The following RXFP2 variants were observed in gnomAD, a reference collection of about 807,000 sequenced individuals.
The protein encoded by RXFP2 is relaxin receptor 2.
In RXFP2, 68 loss-of-function variants were observed where a neutral mutation model predicts 88.6. The ratio of observed to expected loss-of-function variants is 0.77; its 90% CI spans 0.63 to 0.94. The LOEUF (loss-of-function observed/expected upper bound fraction) is 0.94, where lower values mean the gene tolerates loss of function less well. RXFP2 is among the 40% of genes least tolerant of loss of function. The pLI is 0.00. For synonymous variants in RXFP2, 329 were observed against 306.8 expected (o/e 1.07, Z -0.76); for missense variants, 791 against 893.9 (o/e 0.88, Z 1.47).
rs540719503 is a variant in RXFP2 at position 31,756,959 on chromosome 13, T to C, written c.95-1299T>C. On this transcript the variant is annotated intron_variant, in intron 1 of 17. Transcript: ENST00000298386. ...AAAAACATGACTTCTGTAATTTTAT[T>C]AGCCAACTTAAAACATGTCTCTTTA... Among the ~76,000 whole-genome samples the C allele has an allele frequency of 7.2e-5, 11 of 152,302 alleles. No individual in the cohort carries two copies. The South Asian group carries it at 2.3e-3, about 32-fold the overall frequency.
At chr13:31,742,839 A>G (rs1313257407) in intron 1 of RXFP2, among the ~76,000 whole-genome samples, 1 of 152,180 alleles carries the variant, frequency 6.6e-6, no homozygotes, top group Admixed American at 6.5e-5. Flanking sequence ...TGCAACAAAA[A>G]ATGCAACTAA....
intron 1 of RXFP2, among the ~76,000 whole-genome samples, chr13:31,751,309 TTA>T (rs112982983): frequency 1.3e-5 from 2 of 151,354 alleles, no homozygotes; most frequent in Non-Finnish European, 2.9e-5. Context: ...TACATATATA[TTA>T]TATATATATA....
chr13:31,759,570 G>A (rs1420362326), intron 2 of RXFP2, among the ~76,000 whole-genome samples: 1 of 151,924 alleles, frequency 6.6e-6, no homozygotes, highest in Admixed American at 6.6e-5. Flanking sequence ...GTGAACAGGG[G>A]TATACACATG....
chr13:31,792,679 T>G lies in RXFP2; in HGVS notation c.1377T>G (p.Cys459Trp), dbSNP rs1370845539. 1.2e-6 allele frequency: 2 copies of G among 1,614,032 alleles called. No homozygotes were observed. The highest frequency in any genetic ancestry group is 1.7e-6 in the Non-Finnish European group (2 of 1,179,934). The change falls in exon 16 of 18, where the codon TGT becomes TGG. Residue 459 changes from cysteine (C) to tryptophan (W), a missense_variant and splice_region_variant. Physicochemically the swap from Cys to Trp is radical, Grantham distance 215. Coordinates refer to ENST00000298386, the MANE Select transcript of RXFP2 (RefSeq NM_130806.5). ...THAMSIKILC[C>W]ADCLMGVYLF... ...TACACTGTTTCAATTCTTCCACAGG[T>G]GCTGATTGCCTGATGGGTGTTTACT...
intron 8 of RXFP2, among the ~76,000 whole-genome samples, chr13:31,777,882 G>C (rs1464606412): frequency 6.6e-6 from 1 of 152,162 alleles, no homozygotes; most frequent in African/African-American, 2.4e-5. Context: ...CCTACCAAGA[G>C]AGCTGTCTCA....
At chr13:31,773,569 G>A (rs932470666) in intron 5 of RXFP2, among the ~76,000 whole-genome samples, 3 of 151,576 alleles carry the variant, frequency 2.0e-5, no homozygotes, top group African/African-American at 7.3e-5. Flanking sequence ...TCATCTCCCC[G>A]CTTCCTGACC....
At chr13:31,777,882 G>A (rs1464606412) in intron 8 of RXFP2, among the ~76,000 whole-genome samples, 1 of 152,162 alleles carries the variant, frequency 6.6e-6, no homozygotes, top group Non-Finnish European at 1.5e-5. Context: ...CCTACCAAGA[G>A]AGCTGTCTCA....
Position 31,781,725 on chromosome 13 carries a change from C to T in RXFP2, c.840C>T (p.Cys280=), listed in dbSNP as rs775482560. The T allele has an allele frequency of 5.0e-6, 8 of 1,610,762 alleles. No homozygotes were observed. The Admixed American group carries it at 5.0e-5, about 10-fold the overall frequency. The change falls in exon 10 of 18, where the codon TGC becomes TGT. Residue 280 remains cysteine (C), a synonymous_variant. Coordinates refer to ENST00000298386, the MANE Select transcript of RXFP2 (RefSeq NM_130806.5). ...TCACAAATTCTACGTTTCTGTCGTG[C>T]GATTCGCTCACAGTGCTGTAAGTAT... ...KYLTNSTFLS[C]DSLTVLFLPR... is the part of the protein sequence containing the mutation.
chr13:31,739,760 T>G, intron 1 of RXFP2, 54 bp downstream of exon 1: 1 of 1,039,790 alleles, frequency 9.6e-7, no homozygotes, highest in Non-Finnish European at 1.5e-6. Flanking sequence ...AAAATACATT[T>G]CTATGTAGTT....
Position 31,789,198 on chromosome 13 carries a change from G to C in RXFP2, c.1145+5G>C. The C allele has an allele frequency of 1.3e-6, 2 of 1,573,988 alleles. No individual in the cohort carries two copies. Among genetic ancestry groups the C allele is most frequent in the Non-Finnish European group, 1.7e-6 (2 of 1,145,422 alleles). ...CATGAAGAATCTTTCTCACATGTAC[G>C]TATGTATAAAAAATGGAGGAGGAAG... On this transcript the variant is annotated splice_donor_5th_base_variant and intron_variant, in intron 14 of 17. Coordinates refer to ENST00000298386, the MANE Select transcript of RXFP2 (RefSeq NM_130806.5).
intron 1 of RXFP2, among the ~76,000 whole-genome samples, chr13:31,746,224 A>C (rs192010988): frequency 6.6e-6 from 1 of 152,156 alleles, no homozygotes; most frequent in Admixed American, 6.5e-5. Context: ...TGTTCAATGG[A>C]TCATACACCT....
chr13:31,765,200 A>C (rs1291702754), intron 4 of RXFP2, 58 bp downstream of exon 4: 10 of 1,066,784 alleles, frequency 9.4e-6, no homozygotes, highest in Non-Finnish European at 1.5e-5. Flanking sequence ...AAAACCAAGA[A>C]AAAACCCAAT....
intron 1 of RXFP2, among the ~76,000 whole-genome samples, chr13:31,750,356 T>TA (rs1023116052): frequency 2.6e-5 from 4 of 152,190 alleles, no homozygotes; most frequent in African/African-American, 9.6e-5. Context: ...TCTGTAGGTA[T>TA]AGTCTCTCTA....
chr13:31,773,778 G>C (rs999500360), intron 5 of RXFP2, among the ~76,000 whole-genome samples: 2 of 152,138 alleles, frequency 1.3e-5, no homozygotes, highest in African/African-American at 4.8e-5. Flanking sequence ...TTTTGCAGTA[G>C]AATATCATAA....
intron 4 of RXFP2, 97 bp from the exon 5 acceptor site, chr13:31,765,859 C>T (rs1872527250): frequency 5.7e-6 from 4 of 702,918 alleles, no homozygotes; most frequent in Admixed American, 2.2e-5. Flanking sequence ...GTATAATGAA[C>T]GTCATCAAAT....
At chr13:31,763,474 A>G (rs1466827234) in intron 3 of RXFP2, among the ~76,000 whole-genome samples, 1 of 152,122 alleles carries the variant, frequency 6.6e-6, no homozygotes, top group Non-Finnish European at 1.5e-5. Context: ...TGAACATCCT[A>G]CAATGCAAAG....
At chr13:31,784,732 A>G (rs1873446319) in intron 11 of RXFP2, among the ~76,000 whole-genome samples, 1 of 152,004 alleles carries the variant, frequency 6.6e-6, no homozygotes, top group African/African-American at 2.4e-5. Flanking sequence ...AGAGACCCCA[A>G]CCTGATGGCC....
chr13:31,739,622 T>C lies in RXFP2; in HGVS notation c.10T>C (p.Phe4Leu), dbSNP rs1216918996. 3 of 1,594,990 alleles carry C rather than the reference T, an allele frequency of 1.9e-6. No homozygotes were observed. Among genetic ancestry groups the C allele is most frequent in the African/African-American group, 2.7e-5 (2 of 74,450 alleles). The change falls in exon 1 of 18, where the codon TTT (phenylalanine) becomes CTT (leucine). Residue 4 changes from phenylalanine to leucine, a missense_variant. Coordinates refer to ENST00000298386, the MANE Select transcript of RXFP2 (RefSeq NM_130806.5). MIV[F>L]LVFKHLFSLR... ...CAATTGCTGTAAACCTATGATTGTT[T>C]TTCTGGTTTTTAAACATCTCTTCAG...
chr13:31,754,460 G>T (rs529510672), intron 1 of RXFP2, among the ~76,000 whole-genome samples: 2 of 152,142 alleles, frequency 1.3e-5, no homozygotes, highest in Non-Finnish European at 2.9e-5. Flanking sequence ...AAACCCGGGA[G>T]GGGGAGGTTT....
Sources: allele counts gnomAD v4.1 joint callset (sites outside exome capture counted in the v4.1 genomes callset), GRCh38; gene constraint gnomAD v4.1.1; transcripts MANE v1.5; gene names NCBI Gene and HGNC (gene_info 2026-07-23, HGNC 2026-07-21).